NBEA: variants seen among roughly 807,000 people sequenced by gnomAD.
The protein encoded by NBEA is lysosomal-trafficking regulator 2.
Under a neutral mutation model 343.4 loss-of-function variants are expected in NBEA, and 44 were observed. That is an observed-to-expected ratio of 0.13 (90% CI 0.10 to 0.16). NBEA has a LOEUF of 0.16. Among genes scored for constraint, NBEA ranks in the 10% least tolerant of loss-of-function variants. The pLI, the probability that NBEA is intolerant of heterozygous loss-of-function variation, is 1.00. For missense variants in NBEA, 2,555 were observed against 3,631.3 expected, an observed-to-expected ratio of 0.70 and a Z score of 7.62; for synonymous variants, 1,175 against 1,238.7, an observed-to-expected ratio of 0.95 and a Z score of 1.08.
intron 41 of NBEA, among the ~76,000 whole-genome samples, chr13:35,511,543 C>T (rs1566245061): frequency 6.6e-6 from 1 of 152,146 alleles, no homozygotes; most frequent in East Asian, 1.9e-4. Flanking sequence ...ATTTGTTATC[C>T]ACACATCCAG....
intron 51 of NBEA, among the ~76,000 whole-genome samples, 196 bp from the exon 52 acceptor site, chr13:35,649,459 C>A (rs1169054377): frequency 6.6e-6 from 1 of 152,164 alleles, no homozygotes; most frequent in Non-Finnish European, 1.5e-5. Flanking sequence ...TTCTTATTCT[C>A]TACTCTCTGT....
intron 48 of NBEA, among the ~76,000 whole-genome samples, chr13:35,622,548 ACAT>A (rs943499376): frequency 1.3e-5 from 2 of 152,218 alleles, no homozygotes; most frequent in African/African-American, 4.8e-5. Context: ...CTTAAAATAA[ACAT>A]CAAAGACAAC....
At chr13:35,142,402 A>T in intron 18 of NBEA, 25 bp downstream of exon 18, 1 of 1,550,720 alleles carries the variant, frequency 6.4e-7, no homozygotes. Flanking sequence ...TGTGTGATGA[A>T]AGTTTTAAGT....
intron 1 of NBEA, among the ~76,000 whole-genome samples, chr13:34,999,623 TA>T (rs1309620990): frequency 2.6e-5 from 4 of 152,286 alleles, no homozygotes; most frequent in African/African-American, 9.6e-5. Flanking sequence ...ATAAGCTTTA[TA>T]AAAGTGGAAG....
At chr13:35,335,044 TA>T (rs2039165948) in intron 36 of NBEA, among the ~76,000 whole-genome samples, 1 of 151,776 alleles carries the variant, frequency 6.6e-6, no homozygotes, top group African/African-American at 2.4e-5. Context: ...TGATGAGGGA[TA>T]GGGGTCTAGT....
intron 30 of NBEA, among the ~76,000 whole-genome samples, chr13:35,189,886 C>A (rs1469998686): frequency 6.6e-6 from 1 of 152,084 alleles, no homozygotes. Flanking sequence ...AAGAAAAACT[C>A]TAGACCTTTA....
chr13:35,668,464 A>G lies in NBEA; in HGVS notation c.8758A>G (p.Ile2920Val), dbSNP rs2085458935. The G allele has an allele frequency of 6.2e-7, 1 of 1,613,068 alleles. No individual in the cohort carries two copies. Among genetic ancestry groups the G allele is most frequent in the Non-Finnish European group, 8.5e-7 (1 of 1,179,576 alleles). The change falls in exon 58 of 59, where the codon ATT (isoleucine) becomes GTT (valine). Residue 2920 changes from isoleucine (I) to valine (V), a missense_variant. Around this residue, in one of 21 missense-constraint regions of NBEA, gnomAD observed 186 missense variants for 328.9 expected, o/e 0.57. Coordinates refer to ENST00000379939, the MANE Select transcript of NBEA (RefSeq NM_001385012.1). ...GGCCTGTGACTTCAAGCAACTGTAC[A>G]TTTACCCTGGATGTGATGCTGGCAT... ...WQACDFKQLY[I>V]YPGCDAGIRA...
intron 29 of NBEA, among the ~76,000 whole-genome samples, chr13:35,183,433 T>G (rs1269424845): frequency 1.3e-5 from 2 of 152,092 alleles, no homozygotes; most frequent in Non-Finnish European, 2.9e-5. Context: ...TCTCTGCATC[T>G]TGTTTTTCAT....
chr13:35,016,281 C>G (rs1252862349), intron 1 of NBEA, among the ~76,000 whole-genome samples: 1 of 46,790 alleles, frequency 2.1e-5, no homozygotes, highest in African/African-American at 5.3e-5. Context: ...CATATATACA[C>G]ATACATGTTA....
chr13:35,364,601 C>T (rs545857344), intron 38 of NBEA, among the ~76,000 whole-genome samples: 1 of 151,856 alleles, frequency 6.6e-6, no homozygotes, highest in Non-Finnish European at 1.5e-5. Flanking sequence ...AGATTGACAA[C>T]TCCAAAATGT....
chr13:35,381,171 T>C (rs2041993794), intron 38 of NBEA, among the ~76,000 whole-genome samples: 1 of 152,170 alleles, frequency 6.6e-6, no homozygotes, highest in South Asian at 2.1e-4. Context: ...GTACCTACCC[T>C]CTGGCAATGT....
intron 49 of NBEA, among the ~76,000 whole-genome samples, chr13:35,636,984 AT>A (rs1232679906): frequency 6.6e-6 from 1 of 152,218 alleles, no homozygotes; most frequent in Admixed American, 6.5e-5. Flanking sequence ...TCTCTGAAAT[AT>A]TTAAAATCCT....
At chr13:35,643,165 T>G (rs1032814114) in intron 49 of NBEA, among the ~76,000 whole-genome samples, 4 of 152,046 alleles carry the variant, frequency 2.6e-5, no homozygotes, top group African/African-American at 9.7e-5. Context: ...CTTTTCATGC[T>G]GTGGACAAGC....
At chr13:35,191,569 T>C (rs952109598) in intron 30 of NBEA, among the ~76,000 whole-genome samples, 6 of 116,302 alleles carry the variant, frequency 5.2e-5, no homozygotes, top group Admixed American at 5.0e-4. Flanking sequence ...TTAAAATCTT[T>C]TTGTGTATTT....
rs181368290 is a variant in NBEA, at chr13:35,182,330, G to A, written c.4663-30G>A. 89 of 1,579,220 alleles carry A rather than the reference G, an allele frequency of 5.6e-5. 1 individual carries two copies. In the African/African-American group the frequency reaches 9.7e-4, roughly 17 times the overall value. On this transcript the variant is annotated intron_variant, in intron 28 of 58. Transcript: ENST00000379939. ...AGAACTTATACTTCAAAAAGTTTGA[G>A]TGTTAAAACTGTCTTTTCATTTTTC...
chr13:34,985,538 A>G (rs1022776736), intron 1 of NBEA, among the ~76,000 whole-genome samples: 3 of 150,986 alleles, frequency 2.0e-5, no homozygotes, highest in African/African-American at 7.3e-5. Context: ...TGGTATCAGG[A>G]TGATGCTGGC....
chr13:35,569,074 A>G (rs2080272909), intron 45 of NBEA, among the ~76,000 whole-genome samples: 2 of 152,208 alleles, frequency 1.3e-5, no homozygotes, highest in South Asian at 4.1e-4. Flanking sequence ...GTATTAGCTA[A>G]TGCTATGTAT....
intron 1 of NBEA, among the ~76,000 whole-genome samples, chr13:34,960,040 G>A (rs958413992): frequency 6.6e-6 from 1 of 152,092 alleles, no homozygotes; most frequent in African/African-American, 2.4e-5. Flanking sequence ...GGTCTTGCAG[G>A]AGGTATTCCA....
At chr13:35,108,214 T>G (rs1389863043) in intron 11 of NBEA, among the ~76,000 whole-genome samples, 1 of 152,036 alleles carries the variant, frequency 6.6e-6, no homozygotes, top group Non-Finnish European at 1.5e-5. Context: ...GATTGAGTGA[T>G]AGGTGATTCT....
Sources: gnomAD v4.1 joint callset for allele counts (sites outside exome capture counted in the v4.1 genomes callset) on GRCh38, gnomAD v4.1.1 for gene constraint, gnomAD v4.1.1 regional missense constraint, MANE v1.5 for transcripts, NCBI Gene and HGNC (gene_info 2026-07-23, HGNC 2026-07-21) for gene names.